STAB2: variants seen among roughly 807,000 people sequenced by gnomAD.
STAB2 encodes the protein stabilin-2.
In STAB2, 288 loss-of-function variants were observed where a neutral mutation model predicts 338.1. That is an observed-to-expected ratio of 0.85 (90% confidence interval 0.77 to 0.94). The LOEUF (loss-of-function observed/expected upper bound fraction) is 0.94, where lower values mean the gene tolerates loss of function less well. STAB2 is among the 40% of genes least tolerant of loss of function. The probability of loss-of-function intolerance (pLI) is 0.00; values close to 1 mark genes in which losing one functional copy is unlikely to be tolerated. For missense variants in STAB2, 3,141 were observed against 3,210.1 expected, an observed-to-expected ratio of 0.98 and a Z score of 0.52; for synonymous variants, 1,202 against 1,193.3, an observed-to-expected ratio of 1.01 and a Z score of -0.15.
At chr12:103,681,908 C>T (rs1482087093) in intron 25 of STAB2, among the ~76,000 whole-genome samples, 3 of 152,078 alleles carry the variant, frequency 2.0e-5, no homozygotes, top group Non-Finnish European at 4.4e-5. Flanking sequence ...TATAAGGATA[C>T]TGGTCTTACT....
intron 55 of STAB2, 94 bp downstream of exon 55, chr12:103,740,850 TG>T (rs1301355789): frequency 3.5e-6 from 5 of 1,447,510 alleles, no homozygotes; most frequent in African/African-American, 2.9e-5. Flanking sequence ...TATAGGGGGA[TG>T]GGGGAAACAC....
At chr12:103,739,572 T>TGTGTGTGTGTGC (rs373686630) in intron 54 of STAB2, 104 bp downstream of exon 54, 11,093 of 727,914 alleles carry the variant, frequency 0.015, 191 homozygotes, top group Admixed American at 0.033. Flanking sequence ...TGTGTGTGTG[T>TGTGTGTGTGTGC]GCCCGTGCAC....
At chr12:103,589,760 G>A (rs11833689) in intron 1 of STAB2, among the ~76,000 whole-genome samples, 2,625 of 152,294 alleles carry the variant, frequency 0.017, 69 homozygotes, top group African/African-American at 0.06. Context: ...GCAGTTAGGA[G>A]AGGAAACAGG....
chr12:103,736,707 C>G (rs1253318461), intron 52 of STAB2, among the ~76,000 whole-genome samples: 1 of 152,044 alleles, frequency 6.6e-6, no homozygotes. Context: ...AACAATGAAC[C>G]TCAGAGAGGT....
chr12:103,722,248 A>G (rs1880826991), intron 44 of STAB2, among the ~76,000 whole-genome samples: 1 of 152,228 alleles, frequency 6.6e-6, no homozygotes. Flanking sequence ...CCTCAGTAAA[A>G]AAGCCCACAA....
intron 33 of STAB2, among the ~76,000 whole-genome samples, chr12:103,696,970 T>C (rs2138937709): frequency 6.6e-6 from 1 of 152,278 alleles, no homozygotes; most frequent in South Asian, 2.1e-4. Flanking sequence ...GATGGAAAAG[T>C]GAAATGACAC....
At position 103,705,797 on chromosome 12, in the gene STAB2, T is replaced by C; in HGVS notation, c.3996+70T>C. 4 of 1,456,550 alleles carry C rather than the reference T, an allele frequency of 2.7e-6. No homozygotes were observed. The South Asian group carries it at 4.6e-5, about 17-fold the overall frequency. The allele number at this position is 1,456,550 out of a possible 1,614,324, so 90.2% of individuals were successfully genotyped here. On this transcript the variant is annotated intron_variant, in intron 37 of 68. Coordinates refer to ENST00000388887, the MANE Select transcript of STAB2 (RefSeq NM_017564.10). ...GGAAAATCCATCATATGGTATCCTT[T>C]TCAAAATCCCTGTGCAGGTATGCTT...
intron 55 of STAB2, among the ~76,000 whole-genome samples, chr12:103,741,568 C>T (rs1168393057): frequency 2.0e-5 from 3 of 152,180 alleles, no homozygotes; most frequent in Admixed American, 2.0e-4. Context: ...ATCTTCTCAC[C>T]TCAGCCTCTC....
intron 22 of STAB2, among the ~76,000 whole-genome samples, chr12:103,673,239 C>T (rs1875987517): frequency 6.6e-6 from 1 of 152,154 alleles, no homozygotes; most frequent in Non-Finnish European, 1.5e-5. Context: ...ACTCTCCAAC[C>T]AGGAAGTAGT....
chr12:103,761,372 G>A lies in STAB2; in HGVS notation c.7321G>A (p.Val2441Ile), dbSNP rs1884524811. 2 of 1,614,074 alleles carry A rather than the reference G, an allele frequency of 1.2e-6. No homozygotes were observed. The highest frequency in any genetic ancestry group is 3.3e-5 in the Admixed American group (2 of 60,018). Residue 2441 changes from valine (V) to isoleucine (I), a missense_variant, in exon 66 of 69, where the codon GTC (valine) becomes ATC (isoleucine). Val to Ile is a conservative substitution (Grantham distance 29). Transcript: ENST00000388887. ...DIFASNGIIH[V>I]ISRPLKAPPA... ...CTTTGCCTCCAATGGGATCATTCAT[G>A]TCATTTCCAGGCCTTTAAAAGCACC... is the stretch of plus-strand genomic sequence containing the variant.
At chr12:103,685,459 T>TGC (rs1555238733) in intron 27 of STAB2, among the ~76,000 whole-genome samples, 1 of 135,540 alleles carries the variant, frequency 7.4e-6, no homozygotes, top group Non-Finnish European at 1.7e-5. Flanking sequence ...TGTGTGCGCG[T>TGC]GCGTGTGTGT....
Position 103,745,296 on chromosome 12 carries a change from C to A in STAB2, c.6136+19C>A. On this transcript the variant is annotated intron_variant, in intron 57 of 68. Transcript: ENST00000388887. ...CAGGCAGGTCAGTCATGGGAGTGGTCAGCTGCTGGCAGCCCAGGGCTGCAG... is the reference window on the plus strand; with the variant it reads ...CAGGCAGGTCAGTCATGGGAGTGGTAAGCTGCTGGCAGCCCAGGGCTGCAG... 1.9e-6 allele frequency: 3 copies of A among 1,606,562 alleles called. No homozygotes were observed. Among genetic ancestry groups the A allele is most frequent in the South Asian group, 2.2e-5 (2 of 90,014 alleles).
intron 60 of STAB2, among the ~76,000 whole-genome samples, chr12:103,751,079 C>A (rs570904931): frequency 6.6e-6 from 1 of 152,332 alleles, no homozygotes; most frequent in Non-Finnish European, 1.5e-5. Context: ...AAAGGACCCA[C>A]AAACATAGTT....
chr12:103,661,504 A>C (rs1874617770), intron 17 of STAB2, among the ~76,000 whole-genome samples: 1 of 152,256 alleles, frequency 6.6e-6, no homozygotes, highest in Admixed American at 6.5e-5. Flanking sequence ...CCCTGGTTGT[A>C]TGGAAATTTC....
intron 34 of STAB2, among the ~76,000 whole-genome samples, chr12:103,701,429 A>G (rs560849606): frequency 6.6e-6 from 1 of 152,352 alleles, no homozygotes; most frequent in African/African-American, 2.4e-5. Flanking sequence ...GAAACGCCAC[A>G]CTGACTTCCA....
At chr12:103,752,319 G>T (rs1287064892) in intron 60 of STAB2, among the ~76,000 whole-genome samples, 1 of 152,176 alleles carries the variant, frequency 6.6e-6, no homozygotes, top group Admixed American at 6.5e-5. Context: ...TGTTAAATTG[G>T]TGTTTGCATT....
At chr12:103,646,346 C>G (rs1179420597) in intron 9 of STAB2, among the ~76,000 whole-genome samples, 1 of 152,186 alleles carries the variant, frequency 6.6e-6, no homozygotes, top group Non-Finnish European at 1.5e-5. Context: ...CTTCATTTAT[C>G]TCTCTACGGG....
At chr12:103,649,663 A>C (rs1873591386) in intron 10 of STAB2, among the ~76,000 whole-genome samples, 1 of 152,204 alleles carries the variant, frequency 6.6e-6, no homozygotes, top group Non-Finnish European at 1.5e-5. Flanking sequence ...ATAAATCTTA[A>C]GGTTAAATAT....
At chr12:103,596,555 C>T (rs1182406997) in intron 3 of STAB2, among the ~76,000 whole-genome samples, 2 of 152,056 alleles carry the variant, frequency 1.3e-5, no homozygotes, top group African/African-American at 4.8e-5. Flanking sequence ...TTGGCAAAGT[C>T]TATGACAAAA....
Sources: allele counts gnomAD v4.1 joint callset (sites outside exome capture counted in the v4.1 genomes callset), GRCh38; gene constraint gnomAD v4.1.1; transcripts MANE v1.5; gene names NCBI Gene and HGNC (gene_info 2026-07-23, HGNC 2026-07-21).